Variants in GRM7 observed in about 807,000 individuals in gnomAD.
GRM7 encodes glutamate metabotropic receptor 7.
Under a neutral mutation model 84.5 loss-of-function variants are expected in GRM7, and 35 were observed. The ratio of observed to expected loss-of-function variants is 0.41; its 90% CI spans 0.32 to 0.55. GRM7 has a LOEUF of 0.55. Ranked by LOEUF, GRM7 falls within the 20% of genes least tolerant of loss-of-function variation. GRM7 has a pLI of 0.19. For missense variants in GRM7, 1,003 were observed against 1,194.6 expected, an observed-to-expected ratio of 0.84 and a Z score of 2.36; for synonymous variants, 487 against 455.1, an observed-to-expected ratio of 1.07 and a Z score of -0.89.
intron 4 of GRM7, among the ~76,000 whole-genome samples, chr3:7,410,695 A>C (rs1349556554): frequency 6.6e-6 from 1 of 151,250 alleles, no homozygotes; most frequent in Non-Finnish European, 1.5e-5. Flanking sequence ...TTTTGTGGCA[A>C]AAGAGAAAGG....
rs184082281 is a variant in GRM7 at position 7,374,400 on chromosome 3, A to T, written c.1034-40623A>T. On this transcript the variant is annotated intron_variant, in intron 4 of 9. Coordinates refer to ENST00000357716, the MANE Select transcript of GRM7 (RefSeq NM_000844.4). Reference sequence around the variant, plus strand: ...CGCTTTGTTGCCCAGGCTGGTCTAGAACTCCTGGCCTCTAGCAATCATCCC... The same window carrying T: ...CGCTTTGTTGCCCAGGCTGGTCTAGTACTCCTGGCCTCTAGCAATCATCCC... Among the ~76,000 whole-genome samples the T allele has an allele frequency of 1.5e-3, 228 of 152,096 alleles. 1 individual carries two copies. The highest frequency in any genetic ancestry group is 6.8e-3 in the Middle Eastern group (2 of 294).
intron 1 of GRM7, among the ~76,000 whole-genome samples, chr3:7,017,522 GAAGT>G (rs1695609855): frequency 6.6e-6 from 1 of 152,200 alleles, no homozygotes. Flanking sequence ...TAGATGCTCA[GAAGT>G]AAGTATGTAA....
At chr3:7,366,981 A>AT (rs1341749121) in intron 4 of GRM7, among the ~76,000 whole-genome samples, 1 of 12 alleles carries the variant, frequency 0.083, no homozygotes, top group East Asian at 0.5. Flanking sequence ...ACTTTTGTCT[A>AT]TACTCTGACT....
chr3:7,219,505 C>G (rs2124870646), intron 2 of GRM7, among the ~76,000 whole-genome samples: 1 of 152,284 alleles, frequency 6.6e-6, no homozygotes, highest in Non-Finnish European at 1.5e-5. Flanking sequence ...AAGACATTGC[C>G]TTCACTGTTG....
chr3:7,616,767 A>G (rs1204877044), intron 8 of GRM7, among the ~76,000 whole-genome samples: 3 of 152,202 alleles, frequency 2.0e-5, no homozygotes, highest in Admixed American at 2.0e-4. Flanking sequence ...TAATGAAAAG[A>G]AACTCCACCT....
intron 7 of GRM7, among the ~76,000 whole-genome samples, chr3:7,543,457 T>C (rs1692993123): frequency 6.6e-6 from 1 of 152,218 alleles, no homozygotes; most frequent in Non-Finnish European, 1.5e-5. Context: ...CTTCTGTGCC[T>C]GCTCTGAAAA....
intron 1 of GRM7, among the ~76,000 whole-genome samples, chr3:7,143,984 C>A (rs537390655): frequency 6.6e-6 from 1 of 152,032 alleles, no homozygotes; most frequent in Admixed American, 6.6e-5. Context: ...AAACTACAAT[C>A]GACACGTAGG....
intron 9 of GRM7, chr3:7,681,272 C>G (rs1254737370): frequency 6.6e-6 from 1 of 152,182 alleles, no homozygotes; most frequent in Non-Finnish European, 1.5e-5. Flanking sequence ...TCACGACATA[C>G]TGTATTTCAG....
At chr3:7,169,291 G>GT (rs1348627965) in intron 2 of GRM7, among the ~76,000 whole-genome samples, 1 of 152,060 alleles carries the variant, frequency 6.6e-6, no homozygotes, top group Non-Finnish European at 1.5e-5. Flanking sequence ...TATCCATTTT[G>GT]TAGAAATACC....
chr3:7,157,734 A>G (rs994836998), intron 2 of GRM7, among the ~76,000 whole-genome samples: 2 of 149,944 alleles, frequency 1.3e-5, no homozygotes, highest in East Asian at 2.0e-4. Context: ...TTTTTTAACA[A>G]TCCCCAAATT....
At chr3:7,118,428 TAAG>T (rs1376238346) in intron 1 of GRM7, among the ~76,000 whole-genome samples, 2 of 150,158 alleles carry the variant, frequency 1.3e-5, no homozygotes, top group African/African-American at 4.9e-5. Context: ...GAATAAAAAA[TAAG>T]AAACTTCACC....
At chr3:6,995,183 A>T (rs1034624715) in intron 1 of GRM7, among the ~76,000 whole-genome samples, 2 of 152,238 alleles carry the variant, frequency 1.3e-5, no homozygotes, top group Non-Finnish European at 2.9e-5. Flanking sequence ...TGAGTGATAA[A>T]TGCATTTTAT....
At chr3:7,295,450 G>C (rs1375221670) in intron 2 of GRM7, among the ~76,000 whole-genome samples, 2 of 152,044 alleles carry the variant, frequency 1.3e-5, no homozygotes, top group Non-Finnish European at 2.9e-5. Context: ...TTACTTTTCA[G>C]AATTGTTTTG....
intron 9 of GRM7, among the ~76,000 whole-genome samples, chr3:7,698,424 A>T (rs551118791): frequency 6.6e-6 from 1 of 152,210 alleles, no homozygotes; most frequent in African/African-American, 2.4e-5. Flanking sequence ...CCTTTTACAG[A>T]TAAGCAAACT....
At position 7,306,729 on chromosome 3, in the gene GRM7, A is replaced by T. The variant is rs186697668; in HGVS notation, c.1033+77A>T. ...TGAATGGCCAAGCATGTGACTTTTTAGGGGTTTGGCATTTTTACCAAACTC... is the reference window on the plus strand; with the variant it reads ...TGAATGGCCAAGCATGTGACTTTTTTGGGGTTTGGCATTTTTACCAAACTC... On this transcript the variant is annotated intron_variant, in intron 4 of 9. Coordinates refer to ENST00000357716, the MANE Select transcript of GRM7 (RefSeq NM_000844.4). 751 of 1,311,942 alleles carry T rather than the reference A, an allele frequency of 5.7e-4. 7 individuals are homozygous for T. In the African/African-American group the frequency reaches 8.5e-3, roughly 15 times the overall value. The allele number at this position is 1,311,942 out of a possible 1,614,324, so 81.3% of individuals were successfully genotyped here.
At chr3:7,572,565 A>G (rs1406394309) in intron 7 of GRM7, among the ~76,000 whole-genome samples, 6 of 151,968 alleles carry the variant, frequency 3.9e-5, no homozygotes, top group African/African-American at 1.4e-4. Flanking sequence ...CACGCCTGTA[A>G]TCCCAGCGCT....
At chr3:6,895,006 T>C (rs770730247) in intron 1 of GRM7, among the ~76,000 whole-genome samples, 1 of 152,184 alleles carries the variant, frequency 6.6e-6, no homozygotes, top group Non-Finnish European at 1.5e-5. Context: ...TGTTTAAGAT[T>C]GTCTTTATCC....
intron 2 of GRM7, among the ~76,000 whole-genome samples, chr3:7,268,751 A>G (rs1698741210): frequency 6.6e-6 from 1 of 152,190 alleles, no homozygotes; most frequent in Non-Finnish European, 1.5e-5. Flanking sequence ...GCTGGCTAAA[A>G]CTGGCCAATT....
At position 7,458,172 on chromosome 3, in the gene GRM7, G is replaced by A. The variant is rs537196957; in HGVS notation, c.1376-3411G>A. Among the ~76,000 whole-genome samples, 13 of 152,286 alleles carry A rather than the reference G, an allele frequency of 8.5e-5. No individual in the cohort carries two copies. In the East Asian group the frequency reaches 2.3e-3, roughly 27 times the overall value. ...CTCTGTCCAAGAAGAAAGAAACTCAGATACTCTCATCCAGTAGGGGAGATT... is the reference window on the plus strand; with the variant it reads ...CTCTGTCCAAGAAGAAAGAAACTCAAATACTCTCATCCAGTAGGGGAGATT... On this transcript the variant is annotated intron_variant, in intron 6 of 9. Coordinates refer to ENST00000357716, the MANE Select transcript of GRM7 (RefSeq NM_000844.4).
Sources: allele counts gnomAD v4.1 joint callset (sites outside exome capture counted in the v4.1 genomes callset), GRCh38; gene constraint gnomAD v4.1.1; transcripts MANE v1.5; gene names NCBI Gene and HGNC (gene_info 2026-07-23, HGNC 2026-07-21).